The following PDS5A variants were observed in gnomAD, a reference collection of about 807,000 sequenced individuals.
The protein encoded by PDS5A is sister chromatid cohesion protein PDS5 homolog A.
Under a neutral mutation model 167.1 loss-of-function variants are expected in PDS5A, and 42 were observed. The observed-to-expected ratio is 0.25, with a 90% CI of 0.20 to 0.33. The LOEUF (loss-of-function observed/expected upper bound fraction) is 0.33, where lower values mean the gene tolerates loss of function less well. Among genes scored for constraint, PDS5A ranks in the 10% least tolerant of loss-of-function variants. The probability of loss-of-function intolerance (pLI) is 1.00; values close to 1 mark genes in which losing one functional copy is unlikely to be tolerated. For synonymous variants in PDS5A, 553 were observed against 554.6 expected, an observed-to-expected ratio of 1.00 and a Z score of 0.04; for missense variants, 1,033 against 1,605.9, an observed-to-expected ratio of 0.64 and a Z score of 6.10.
At chr4:39,949,226 C>T (rs1035208368) in intron 2 of PDS5A, among the ~76,000 whole-genome samples, 5 of 137,540 alleles carry the variant, frequency 3.6e-5, no homozygotes, top group Non-Finnish European at 6.1e-5. Context: ...TGCTTGAATG[C>T]GGGAGGTCGA....
intron 18 of PDS5A, 75 bp from the exon 19 acceptor site, chr4:39,877,228 A>C (rs947681174): frequency 1.1e-6 from 1 of 926,270 alleles, no homozygotes; most frequent in African/African-American, 1.7e-5. Context: ...TTCCCGCAAA[A>C]GAAAAAAAAA....
At chr4:39,881,531 T>A (rs1322573939) in intron 17 of PDS5A, among the ~76,000 whole-genome samples, 1 of 152,186 alleles carries the variant, frequency 6.6e-6, no homozygotes, top group African/African-American at 2.4e-5. Context: ...TTGCTGTATA[T>A]GTGTATAAAC....
chr4:39,827,582 A>G (rs915944210), intron 32 of PDS5A, among the ~76,000 whole-genome samples: 7 of 152,220 alleles, frequency 4.6e-5, no homozygotes, highest in Non-Finnish European at 1.0e-4. Context: ...ATTTGAGGAT[A>G]TATACTTAGG....
At chr4:39,908,565 G>C in intron 10 of PDS5A, 25 bp from the exon 11 acceptor site, 1 of 1,415,186 alleles carries the variant, frequency 7.1e-7, no homozygotes. Flanking sequence ...AAAAAACTTA[G>C]GCTAAATGTT....
chr4:39,927,613 A>G (rs1725585484), intron 3 of PDS5A, among the ~76,000 whole-genome samples: 2 of 152,204 alleles, frequency 1.3e-5, no homozygotes. Flanking sequence ...TCATATGAAT[A>G]TGTAAATTCT....
chr4:39,938,325 T>C (rs1042016343), intron 2 of PDS5A, among the ~76,000 whole-genome samples: 1 of 151,568 alleles, frequency 6.6e-6, no homozygotes, highest in African/African-American at 2.4e-5. Context: ...GAGGCCGAGG[T>C]GGGTGGATCA....
Position 39,913,668 on chromosome 4 carries a change from G to C in PDS5A, c.935C>G (p.Ser312Cys). The change falls in exon 9 of 33, where the codon TCC becomes TGC. Residue 312 changes from serine to cysteine, a missense_variant. Ser to Cys is a moderately radical substitution (Grantham distance 112, BLOSUM62 -1). Around this residue, in one of 4 missense-constraint regions of PDS5A, gnomAD observed 388 missense variants for 615.1 expected, o/e 0.63. Transcript: ENST00000303538. ...VVRLLAKLFG[S>C]KDSDLATQNR... ...CTGTGTTGCCAAATCAGAATCTTTG[G>C]AGCCAAACAATTTAGCTAGAAGTCG... is the stretch of plus-strand genomic sequence containing the variant. 1 of 1,612,712 alleles carries C rather than the reference G, an allele frequency of 6.2e-7. No individual in the cohort carries two copies. Among genetic ancestry groups the C allele is most frequent in the Admixed American group, 1.7e-5 (1 of 60,016 alleles).
At chr4:39,960,532 G>C (rs553290953) in intron 2 of PDS5A, among the ~76,000 whole-genome samples, 1 of 151,720 alleles carries the variant, frequency 6.6e-6, no homozygotes, top group African/African-American at 2.4e-5. Context: ...ACTTTCTATT[G>C]CAACAGTTAT....
chr4:39,834,276 A>T (rs1560411842), intron 32 of PDS5A, among the ~76,000 whole-genome samples: 1 of 152,064 alleles, frequency 6.6e-6, no homozygotes, highest in Non-Finnish European at 1.5e-5. Flanking sequence ...AGGTCATGGC[A>T]ATAGTTTTTT....
intron 16 of PDS5A, among the ~76,000 whole-genome samples, chr4:39,892,679 TATAAC>T (rs927008172): frequency 1.3e-4 from 20 of 152,350 alleles, no homozygotes; most frequent in African/African-American, 3.4e-4. Context: ...TGCAGTGAAT[TATAAC>T]AGTGTGTGCT....
rs980668192 is a variant in PDS5A, at chr4:39,974,320, G to A, written c.138+2120C>T. ...AGGTTCCATGAGTCATGTCAACAGAGCGGTTGCTAACACATCAACTTTCCA... is the reference window on the plus strand; with the variant it reads ...AGGTTCCATGAGTCATGTCAACAGAACGGTTGCTAACACATCAACTTTCCA... On this transcript the variant is annotated intron_variant, in intron 2 of 32. Coordinates refer to ENST00000303538, the MANE Select transcript of PDS5A (RefSeq NM_001100399.2). The A allele has an allele frequency of 2.9e-5, 15 of 522,460 alleles. 1 individual carries two copies. The highest frequency in any genetic ancestry group is 2.7e-4 in the African/African-American group (14 of 51,560). The allele number at this position is 522,460 out of a possible 1,614,324, so 32.4% of individuals were successfully genotyped here. A position where few individuals can be genotyped will look rare whatever the true frequency, so the allele number is the denominator to read the frequency against.
intron 30 of PDS5A, 52 bp from the exon 31 acceptor site, chr4:39,842,108 A>G (rs964471213): frequency 4.8e-5 from 55 of 1,143,558 alleles, no homozygotes; most frequent in Non-Finnish European, 7.0e-5. Flanking sequence ...GAGAAAGTTC[A>G]CTCTCTCACC....
chr4:39,880,416 T>C (rs951420770), intron 17 of PDS5A, among the ~76,000 whole-genome samples: 1 of 152,186 alleles, frequency 6.6e-6, no homozygotes, highest in Non-Finnish European at 1.5e-5. Context: ...TAGAATATTA[T>C]CTGGTCAATA....
chr4:39,840,690 C>T (rs1319468424), intron 31 of PDS5A, among the ~76,000 whole-genome samples: 1 of 152,064 alleles, frequency 6.6e-6, no homozygotes, highest in East Asian at 1.9e-4. Flanking sequence ...GCCACTGCGC[C>T]GGGTCGCCTC....
intron 17 of PDS5A, among the ~76,000 whole-genome samples, chr4:39,884,276 C>T (rs181624711): frequency 5.3e-5 from 8 of 152,328 alleles, no homozygotes; most frequent in Admixed American, 5.2e-4. Context: ...ATTGTCCCCA[C>T]TGGTGCTGTC....
chr4:39,954,839 G>A (rs1728777937), intron 2 of PDS5A, among the ~76,000 whole-genome samples: 3 of 152,004 alleles, frequency 2.0e-5, no homozygotes, highest in South Asian at 4.1e-4. Context: ...GAGTCCAGGA[G>A]TTTGAGACCT....
chr4:39,863,569 A>G, intron 23 of PDS5A, 110 bp from the exon 24 acceptor site: 1 of 672,064 alleles, frequency 1.5e-6, no homozygotes, highest in Non-Finnish European at 2.4e-6. Flanking sequence ...TTATGTTTAA[A>G]ATGACGTACA....
chr4:39,848,109 A>G (rs1274836307), intron 28 of PDS5A: 1 of 152,258 alleles, frequency 6.6e-6, no homozygotes, highest in East Asian at 1.9e-4. Context: ...CTCCACCTCA[A>G]TTTCTCTGTG....
chr4:39,937,269 A>C (rs1360635341), intron 2 of PDS5A, among the ~76,000 whole-genome samples: 1 of 152,158 alleles, frequency 6.6e-6, no homozygotes, highest in Non-Finnish European at 1.5e-5. Flanking sequence ...AGACACTCTC[A>C]CTTGGGAAAT....
Sources: allele counts gnomAD v4.1 joint callset (sites outside exome capture counted in the v4.1 genomes callset), GRCh38; gene constraint gnomAD v4.1.1; regional missense constraint gnomAD v4.1.1; transcripts MANE v1.5; gene names NCBI Gene and HGNC (gene_info 2026-07-23, HGNC 2026-07-21).